TIFAB: variants seen among roughly 807,000 people sequenced by gnomAD.
The protein encoded by TIFAB is TIFA inhibitor, also known as TRAF-interacting protein with FHA domain-containing protein B.
For synonymous variants in TIFAB, 116 were observed against 95.2 expected (o/e 1.22, Z -1.27); for missense variants, 222 against 203.6 (o/e 1.09, Z -0.55).
chr5:135,452,154 C>G (rs1580657725), intron 1 of TIFAB, 55 bp downstream of exon 1: 1 of 152,206 alleles, frequency 6.6e-6, no homozygotes, highest in African/African-American at 2.4e-5. Context: ...TCCTCCCAGC[C>G]CCACCAGGCC....
chr5:135,446,609 G>T lies in TIFAB; in HGVS notation c.*2845C>A. The T allele has an allele frequency of 6.2e-7, 1 of 1,614,062 alleles. No homozygotes were observed. Among genetic ancestry groups the T allele is most frequent in the Non-Finnish European group, 8.5e-7 (1 of 1,179,900 alleles). ...TCTACTCAAGAAAAATGAAGTCTCGGATGGGCAGAGCTTAACTGCCTTAAA... is the reference window on the plus strand; with the variant it reads ...TCTACTCAAGAAAAATGAAGTCTCGTATGGGCAGAGCTTAACTGCCTTAAA... On this transcript the variant is annotated 3_prime_UTR_variant, in exon 2 of 2. Transcript: ENST00000537858.
rs149928130 is a variant in TIFAB at position 135,446,385 on chromosome 5, C to T, written c.*3069G>A. 145 of 1,601,790 alleles carry T rather than the reference C, an allele frequency of 9.1e-5. No individual in the cohort carries two copies. Among genetic ancestry groups the T allele is most frequent in the African/African-American group, 2.7e-4 (20 of 74,830 alleles). On this transcript the variant is annotated 3_prime_UTR_variant, in exon 2 of 2. Transcript: ENST00000537858. ...ACACGCACACATGTTCACTCAGGCA[C>T]GTGGGCTGCCCTGCGGTGGGAGCTG...
At position 135,446,437 on chromosome 5, in the gene TIFAB, G is replaced by T; in HGVS notation, c.*3017C>A. 1 of 1,612,628 alleles carries T rather than the reference G, an allele frequency of 6.2e-7. No homozygotes were observed. The highest frequency in any genetic ancestry group is 8.5e-7 in the Non-Finnish European group (1 of 1,178,710). On this transcript the variant is annotated 3_prime_UTR_variant, in exon 2 of 2. Coordinates refer to ENST00000537858, the MANE Select transcript of TIFAB (RefSeq NM_001099221.2). ...GAGAATGCAGTGGAGGTTGTTGGGA[G>T]GAACTCACCCGCCTGCTCTGGCTGT...
At position 135,448,412 on chromosome 5, in the gene TIFAB, G is replaced by C. The variant is rs7729059; in HGVS notation, c.*1042C>G. ...CAGCATGGCGTGGCAAATAGCTGCT[G>C]CCCTTGTTCACCGAGAAAATCCTCC... On this transcript the variant is annotated 3_prime_UTR_variant, in exon 2 of 2. Transcript: ENST00000537858. 0.09 allele frequency: 13,658 copies of C among 151,908 alleles called. 1,607 individuals are homozygous for C. The highest frequency in any genetic ancestry group is 0.28 in the African/African-American group (11,459 of 41,292). 9.4% of individuals were successfully genotyped at this position (151,908 alleles called of 1,614,324 possible).
chr5:135,449,180 C>T lies in TIFAB; in HGVS notation c.*274G>A, dbSNP rs867527490. 6.0e-6 allele frequency: 3 copies of T among 500,148 alleles called. No individual in the cohort carries two copies. Among genetic ancestry groups the T allele is most frequent in the African/African-American group, 1.9e-5 (1 of 51,942 alleles). 31.0% of individuals were successfully genotyped at this position (500,148 alleles called of 1,614,324 possible). On this transcript the variant is annotated 3_prime_UTR_variant, in exon 2 of 2. Coordinates refer to ENST00000537858, the MANE Select transcript of TIFAB (RefSeq NM_001099221.2). ...AGCTCTGGCCACAGAGGGTGCTTCT[C>T]CCCCCTGGGCTGTTTGTTCGGTGTT... is the stretch of plus-strand genomic sequence containing the variant.
In TIFAB at chr5:135,449,358, G is replaced by A; in HGVS notation, c.*96C>T. On this transcript the variant is annotated 3_prime_UTR_variant, in exon 2 of 2. Transcript: ENST00000537858. ...AGTGCACTGTCTGGGGGTTCCCTCT[G>A]GAGCTGTATTTCTGTTCCTCCTCCA... 1 of 1,529,558 alleles carries A rather than the reference G, an allele frequency of 6.5e-7. No individual in the cohort carries two copies. Among genetic ancestry groups the A allele is most frequent in the South Asian group, 1.3e-5 (1 of 79,830 alleles). The allele number at this position is 1,529,558 out of a possible 1,614,324, so 94.7% of individuals were successfully genotyped here.
At position 135,449,578 on chromosome 5, in the gene TIFAB, G is replaced by T. The variant is rs1769329619; in HGVS notation, c.362C>A (p.Ser121Tyr). The change falls in exon 2 of 2, where the codon TCC (serine) becomes TAC (tyrosine). Residue 121 changes from serine (S) to tyrosine (Y), a missense_variant. Transcript: ENST00000537858. ...QMLVRVEEGT[S>Y]LEAFVCYFHV... ...GAAATAGCAGACAAAAGCCTCCAGG[G>T]ATGTGCCTTCTTCTACGCGAACCAG... 6.2e-7 allele frequency: 1 copy of T among 1,614,250 alleles called. No homozygotes were observed. The highest frequency in any genetic ancestry group is 8.5e-7 in the Non-Finnish European group (1 of 1,180,054).
At position 135,446,614 on chromosome 5, in the gene TIFAB, G is replaced by A; in HGVS notation, c.*2840C>T. The A allele has an allele frequency of 6.2e-7, 1 of 1,614,052 alleles. No homozygotes were observed. The highest frequency in any genetic ancestry group is 8.5e-7 in the Non-Finnish European group (1 of 1,179,894). On this transcript the variant is annotated 3_prime_UTR_variant, in exon 2 of 2. Transcript: ENST00000537858. The stretch of plus-strand genomic sequence containing the variant: ...TCAAGAAAAATGAAGTCTCGGATGG[G>A]CAGAGCTTAACTGCCTTAAAAACTT...
rs1157463075 is a variant in TIFAB at position 135,444,289 on chromosome 5, T to G, written c.*5165A>C. On this transcript the variant is annotated 3_prime_UTR_variant, in exon 2 of 2. Coordinates refer to ENST00000537858, the MANE Select transcript of TIFAB (RefSeq NM_001099221.2). ...TTAAAGGTAAGAGGAATCACAGCCCTGCAATTCAAATAGGGTTCATTAAAT... is the reference window on the plus strand; with the variant it reads ...TTAAAGGTAAGAGGAATCACAGCCCGGCAATTCAAATAGGGTTCATTAAAT... 1 of 152,240 alleles carries G rather than the reference T, an allele frequency of 6.6e-6. No individual in the cohort carries two copies. Among genetic ancestry groups the G allele is most frequent in the Non-Finnish European group, 1.5e-5 (1 of 68,048 alleles). 9.4% of individuals were successfully genotyped at this position (152,240 alleles called of 1,614,324 possible).
intron 1 of TIFAB, among the ~76,000 whole-genome samples, chr5:135,451,652 T>A (rs901274817): frequency 6.6e-6 from 1 of 151,918 alleles, no homozygotes; most frequent in Non-Finnish European, 1.5e-5. Context: ...CCCAGCTAAT[T>A]TTTGTATTTT....
At position 135,445,260 on chromosome 5, in the gene TIFAB, G is replaced by A. The variant is rs569111596; in HGVS notation, c.*4194C>T. On this transcript the variant is annotated 3_prime_UTR_variant, in exon 2 of 2. Transcript: ENST00000537858. The stretch of plus-strand genomic sequence containing the variant: ...ACCACACAGAATCCCAAAACCCCAG[G>A]GTTCTGCTTGAGTTAGAGCTACAAA... 6.6e-6 allele frequency: 1 copy of A among 152,256 alleles called. No homozygotes were observed. Among genetic ancestry groups the A allele is most frequent in the Admixed American group, 6.5e-5 (1 of 15,286 alleles). The allele number at this position is 152,256 out of a possible 1,614,324, so 9.4% of individuals were successfully genotyped here.
Position 135,449,379 on chromosome 5 carries a change from C to T in TIFAB, c.*75G>A. ...CTCTGGAGCTGTATTTCTGTTCCTC[C>T]TCCAGGTCTTGGCTGGAGAGGGCTG... On this transcript the variant is annotated 3_prime_UTR_variant, in exon 2 of 2. Transcript: ENST00000537858. The T allele has an allele frequency of 1.9e-6, 3 of 1,568,848 alleles. No individual in the cohort carries two copies. Among genetic ancestry groups the T allele is most frequent in the South Asian group, 2.4e-5 (2 of 83,540 alleles).
chr5:135,449,252 G>C lies in TIFAB; in HGVS notation c.*202C>G, dbSNP rs566673053. The C allele has an allele frequency of 3.5e-5, 28 of 805,158 alleles. No individual in the cohort carries two copies. In the Admixed American group the frequency reaches 7.4e-4, roughly 21 times the overall value. The allele number at this position is 805,158 out of a possible 1,614,324, so 49.9% of individuals were successfully genotyped here. The stretch of plus-strand genomic sequence containing the variant: ...GCAAGGCAGCCAGTGGGTTTTGCTT[G>C]TCAACCTTGCATGATGCAGCTCAAG... On this transcript the variant is annotated 3_prime_UTR_variant, in exon 2 of 2. Coordinates refer to ENST00000537858, the MANE Select transcript of TIFAB (RefSeq NM_001099221.2).
Position 135,447,287 on chromosome 5 carries a change from C to T in TIFAB, c.*2167G>A, listed in dbSNP as rs941326696. The T allele has an allele frequency of 2.1e-5, 15 of 728,434 alleles. No homozygotes were observed. The highest frequency in any genetic ancestry group is 1.1e-4 in the Admixed American group (4 of 35,232). 45.1% of individuals were successfully genotyped at this position (728,434 alleles called of 1,614,324 possible). A position where few individuals can be genotyped will look rare whatever the true frequency, so the allele number is the denominator to read the frequency against. ...TCCCCTCCCTGTTGCCTACCAGGTC[C>T]GTGGCTACAACTAAATCCCTAGTTG... On this transcript the variant is annotated 3_prime_UTR_variant, in exon 2 of 2. Coordinates refer to ENST00000537858, the MANE Select transcript of TIFAB (RefSeq NM_001099221.2).
chr5:135,444,555 T>C lies in TIFAB; in HGVS notation c.*4899A>G, dbSNP rs1478744676. 1.3e-5 allele frequency: 2 copies of C among 152,372 alleles called. No homozygotes were observed. Among genetic ancestry groups the C allele is most frequent in the African/African-American group, 2.4e-5 (1 of 41,444 alleles). The allele number at this position is 152,372 out of a possible 1,614,324, so 9.4% of individuals were successfully genotyped here. ...AGCAGAGCTGGAGAAGTTCGTACAG[T>C]AGATACAGTGGAAGACAGGTGGCTC... On this transcript the variant is annotated 3_prime_UTR_variant, in exon 2 of 2. Coordinates refer to ENST00000537858, the MANE Select transcript of TIFAB (RefSeq NM_001099221.2).
Position 135,449,821 on chromosome 5 carries a change from C to T in TIFAB, c.119G>A (p.Arg40Gln), listed in dbSNP as rs533155199. Residue 40 changes from arginine to glutamine, a missense_variant, in exon 2 of 2, where the codon CGG (arginine) becomes CAG (glutamine). Physicochemically the swap from Arg to Gln is conservative, Grantham distance 43. Transcript: ENST00000537858. ...QHDTSPLLLG[R>Q]GQDAHLQLQL... ...CAGCTGGAGGTGGGCGTCCTGCCCC[C>T]GTCCGAGAAGCAGAGGGCTGGTATC... 54 of 1,609,350 alleles carry T rather than the reference C, an allele frequency of 3.4e-5. No homozygotes were observed. In the East Asian group the frequency reaches 6.5e-4, roughly 19 times the overall value.
rs1769269057 is a variant in TIFAB, at chr5:135,446,591, A to G, written c.*2863T>C. On this transcript the variant is annotated 3_prime_UTR_variant, in exon 2 of 2. Transcript: ENST00000537858. Reference sequence around the variant, plus strand: ...TGATGATTTCAGTGATTTTCTACTCAAGAAAAATGAAGTCTCGGATGGGCA... The same window carrying G: ...TGATGATTTCAGTGATTTTCTACTCGAGAAAAATGAAGTCTCGGATGGGCA... 6.2e-7 allele frequency: 1 copy of G among 1,613,912 alleles called. No individual in the cohort carries two copies. Among genetic ancestry groups the G allele is most frequent in the African/African-American group, 1.3e-5 (1 of 74,936 alleles).
Position 135,446,882 on chromosome 5 carries a change from A to G in TIFAB, c.*2572T>C. 1.9e-6 allele frequency: 3 copies of G among 1,613,828 alleles called. No homozygotes were observed. The highest frequency in any genetic ancestry group is 2.5e-6 in the Non-Finnish European group (3 of 1,179,812). ...CCCCTCTCGCAGGACCCCAGCTGGCAAGGTTTTGTTCCTCCCTGGAGGGTA... is the reference window on the plus strand; with the variant it reads ...CCCCTCTCGCAGGACCCCAGCTGGCGAGGTTTTGTTCCTCCCTGGAGGGTA... On this transcript the variant is annotated 3_prime_UTR_variant, in exon 2 of 2. Coordinates refer to ENST00000537858, the MANE Select transcript of TIFAB (RefSeq NM_001099221.2).
In TIFAB at chr5:135,446,846, A is replaced by G; in HGVS notation, c.*2608T>C. 6.2e-7 allele frequency: 1 copy of G among 1,613,844 alleles called. No homozygotes were observed. Among genetic ancestry groups the G allele is most frequent in the South Asian group, 1.1e-5 (1 of 91,062 alleles). ...GGAGTTGCAGAGTCCCCTGTGGAGG[A>G]ATTGAACTGCCCCCTCTCGCAGGAC... is the stretch of plus-strand genomic sequence containing the variant. On this transcript the variant is annotated 3_prime_UTR_variant, in exon 2 of 2. Coordinates refer to ENST00000537858, the MANE Select transcript of TIFAB (RefSeq NM_001099221.2).
Sources: allele counts gnomAD v4.1 joint callset (sites outside exome capture counted in the v4.1 genomes callset), GRCh38; gene constraint gnomAD v4.1.1; transcripts MANE v1.5; gene names NCBI Gene and HGNC (gene_info 2026-07-23, HGNC 2026-07-21).